Variants in CALD1 observed in about 807,000 individuals in gnomAD.
CALD1 encodes the protein caldesmon 1.
CALD1 carries 33 observed loss-of-function variants against 99.9 expected under a neutral mutation model. The observed-to-expected ratio is 0.33, with a 90% confidence interval of 0.25 to 0.44. CALD1 has a LOEUF of 0.44. Among genes scored for constraint, CALD1 ranks in the 20% least tolerant of loss-of-function variants. The pLI, the probability that CALD1 is intolerant of heterozygous loss-of-function variation, is 1.00. For synonymous variants in CALD1, 310 were observed against 325.0 expected (o/e 0.95, Z 0.50); for missense variants, 861 against 962.1 (o/e 0.89, Z 1.39).
At chr7:134,886,395 A>C (rs972259417) in intron 3 of CALD1, among the ~76,000 whole-genome samples, 1 of 152,240 alleles carries the variant, frequency 6.6e-6, no homozygotes, top group Non-Finnish European at 1.5e-5. Context: ...TGGAGAAGAA[A>C]AAAGAAAAAG....
upstream of CALD1, among the ~76,000 whole-genome samples, chr7:134,775,580 G>A (rs1015869353): frequency 6.6e-6 from 1 of 152,014 alleles, no homozygotes; most frequent in Non-Finnish European, 1.5e-5. Flanking sequence ...GCGTGGTGGC[G>A]AGCACCTGTA....
intron 1 of CALD1, among the ~76,000 whole-genome samples, chr7:134,803,770 G>A (rs1034760516): frequency 4.0e-5 from 6 of 148,432 alleles, no homozygotes; most frequent in African/African-American, 1.0e-4. Flanking sequence ...ATCTCGGCTC[G>A]CTGCAACCTT....
intron 1 of CALD1, among the ~76,000 whole-genome samples, chr7:134,767,702 G>A (rs552290182): frequency 9.3e-4 from 142 of 152,348 alleles, no homozygotes; most frequent in Non-Finnish European, 1.6e-3. Flanking sequence ...ACGTGCAGAC[G>A]TGCAGAGCCA....
chr7:134,919,953 T>G (rs1238182045), intron 3 of CALD1, among the ~76,000 whole-genome samples: 1 of 152,238 alleles, frequency 6.6e-6, no homozygotes, highest in Non-Finnish European at 1.5e-5. Context: ...TCCATAATTT[T>G]TAATGCTTGC....
chr7:134,946,122 T>A (rs1174493859), intron 7 of CALD1, among the ~76,000 whole-genome samples: 1 of 152,140 alleles, frequency 6.6e-6, no homozygotes, highest in African/African-American at 2.4e-5. Flanking sequence ...AAGTAACCTT[T>A]TGGACTACAT....
chr7:134,962,982 C>A, intron 13 of CALD1: 1 of 452,560 alleles, frequency 2.2e-6, no homozygotes, highest in Non-Finnish European at 4.4e-6. Context: ...CAACTTATAA[C>A]TCAGATGTTC....
chr7:134,897,847 C>T lies in CALD1; in HGVS notation c.71+30043C>T, dbSNP rs569990656. On this transcript the variant is annotated intron_variant, in intron 3 of 14. Coordinates refer to ENST00000361675, the MANE Select transcript of CALD1 (RefSeq NM_033138.4). Reference sequence around the variant, plus strand: ...TCAGCCTCCCAAGTAGCTGGGGCTACAGATGTGTGCCACCATGCCCTGATA... The same window carrying T: ...TCAGCCTCCCAAGTAGCTGGGGCTATAGATGTGTGCCACCATGCCCTGATA... Among the ~76,000 whole-genome samples the T allele has an allele frequency of 3.6e-4, 55 of 152,246 alleles. No homozygotes were observed. The South Asian group carries it at 0.011, about 30-fold the overall frequency.
intron 1 of CALD1, among the ~76,000 whole-genome samples, chr7:134,764,193 C>A (rs1796806062): frequency 6.6e-6 from 1 of 152,102 alleles, no homozygotes; most frequent in Non-Finnish European, 1.5e-5. Flanking sequence ...CAACAAACAA[C>A]CAGACTCCAG....
intron 3 of CALD1, among the ~76,000 whole-genome samples, chr7:134,881,544 C>G (rs916434813): frequency 6.6e-6 from 1 of 152,134 alleles, no homozygotes; most frequent in African/African-American, 2.4e-5. Context: ...AAGGGTAATG[C>G]GCATGACGTA....
chr7:134,795,832 C>T (rs907334613), intron 1 of CALD1, among the ~76,000 whole-genome samples: 8 of 152,028 alleles, frequency 5.3e-5, no homozygotes, highest in Non-Finnish European at 1.2e-4. Flanking sequence ...TGGGAAGATG[C>T]GACGGTGGAA....
intron 3 of CALD1, among the ~76,000 whole-genome samples, chr7:134,923,379 A>G (rs1586317284): frequency 6.6e-6 from 1 of 152,380 alleles, no homozygotes; most frequent in East Asian, 1.9e-4. Context: ...AATAAAATGC[A>G]TTTGATTTAA....
intron 3 of CALD1, among the ~76,000 whole-genome samples, chr7:134,915,264 C>A (rs947021728): frequency 6.6e-6 from 1 of 152,188 alleles, no homozygotes; most frequent in African/African-American, 2.4e-5. Flanking sequence ...TTGAACTGTC[C>A]TTGCCTCCAA....
intron 1 of CALD1, among the ~76,000 whole-genome samples, chr7:134,788,506 C>T (rs903195346): frequency 2.0e-5 from 3 of 152,162 alleles, no homozygotes; most frequent in Admixed American, 6.5e-5. Flanking sequence ...GAGAGCCAAG[C>T]GGAATACCTC....
intron 14 of CALD1, among the ~76,000 whole-genome samples, chr7:134,966,575 G>T (rs1808696922): frequency 6.6e-6 from 1 of 152,144 alleles, no homozygotes; most frequent in African/African-American, 2.4e-5. Flanking sequence ...GAAAAATGAG[G>T]CATTGAGAGA....
intron 1 of CALD1, among the ~76,000 whole-genome samples, chr7:134,747,910 T>C (rs994609634): frequency 7.2e-5 from 11 of 152,098 alleles, no homozygotes; most frequent in Non-Finnish European, 1.3e-4. Flanking sequence ...GCCCCTAGCA[T>C]GTGATTCCCA....
chr7:134,938,088 T>C (rs934872211), intron 6 of CALD1, among the ~76,000 whole-genome samples: 5 of 152,168 alleles, frequency 3.3e-5, no homozygotes, highest in Admixed American at 2.0e-4. Flanking sequence ...AAATGCAGAA[T>C]CTGATTCCAT....
intron 1 of CALD1, among the ~76,000 whole-genome samples, chr7:134,755,112 T>C (rs937932389): frequency 1.3e-5 from 2 of 152,198 alleles, no homozygotes; most frequent in African/African-American, 4.8e-5. Context: ...GCTATTCTCC[T>C]GCCTCAGACT....
Position 134,783,669 on chromosome 7 carries a change from T to C in CALD1, c.-130+3920T>C, listed in dbSNP as rs1279084779. Reference sequence around the variant, plus strand: ...AAACCTTTGAGAATCTGATAAAAACTGTGAACCCTTAAGGTCCCTTTGTAA... The same window carrying C: ...AAACCTTTGAGAATCTGATAAAAACCGTGAACCCTTAAGGTCCCTTTGTAA... On this transcript the variant is annotated intron_variant, in intron 1 of 14. Coordinates refer to ENST00000361675, the MANE Select transcript of CALD1 (RefSeq NM_033138.4). This position sits in a 1 kb window ranked among gnomAD's most constrained non-coding sequence, Gnocchi z 4.3. Among the ~76,000 whole-genome samples the C allele has an allele frequency of 1.3e-5, 2 of 152,126 alleles. No individual in the cohort carries two copies. The highest frequency in any genetic ancestry group is 2.9e-5 in the Non-Finnish European group (2 of 68,032).
chr7:134,871,517 T>C (rs1801075033), intron 3 of CALD1, among the ~76,000 whole-genome samples: 1 of 152,222 alleles, frequency 6.6e-6, no homozygotes, highest in Admixed American at 6.5e-5. Context: ...GTGTGCTTAG[T>C]GCTTTACAAC....
Sources: allele counts gnomAD v4.1 joint callset (sites outside exome capture counted in the v4.1 genomes callset), GRCh38; gene constraint gnomAD v4.1.1; non-coding constraint Gnocchi (gnomAD v3.1); transcripts MANE v1.5; gene names NCBI Gene and HGNC (gene_info 2026-07-23, HGNC 2026-07-21).